Variants in AK7 observed in about 807,000 individuals in gnomAD.
AK7 encodes ATP-AMP transphosphorylase 7.
Under a neutral mutation model 96.6 loss-of-function variants are expected in AK7, and 78 were observed. The ratio of observed to expected loss-of-function variants is 0.81; its 90% CI spans 0.67 to 0.97. The LOEUF is 0.97. Ranked by LOEUF, AK7 falls within the 50% of genes least tolerant of loss-of-function variation. AK7 has a pLI of 0.00. For missense variants in AK7, 855 were observed against 887.9 expected (o/e 0.96, Z 0.47); for synonymous variants, 302 against 317.2 (o/e 0.95, Z 0.51).
chr14:96,406,526 G>C (rs1283974004), intron 3 of AK7, among the ~76,000 whole-genome samples: 1 of 152,160 alleles, frequency 6.6e-6, no homozygotes, highest in Non-Finnish European at 1.5e-5. Flanking sequence ...TAGAGTGTTT[G>C]TGTCTGCAAG....
intron 5 of AK7, among the ~76,000 whole-genome samples, chr14:96,428,463 C>A (rs1313684057): frequency 1.3e-5 from 2 of 152,160 alleles, no homozygotes; most frequent in Non-Finnish European, 2.9e-5. Context: ...ATTTATAATC[C>A]TTTGGGTATA....
chr14:96,419,902 C>A (rs925778197), intron 4 of AK7, among the ~76,000 whole-genome samples: 1 of 150,646 alleles, frequency 6.6e-6, no homozygotes, highest in Non-Finnish European at 1.5e-5. Flanking sequence ...AATTCTCCTG[C>A]CTCAGCCTCC....
intron 4 of AK7, among the ~76,000 whole-genome samples, chr14:96,409,402 T>C (rs1020852178): frequency 1.3e-5 from 2 of 152,228 alleles, no homozygotes; most frequent in Admixed American, 1.3e-4. Flanking sequence ...CGAAACCCTG[T>C]CTCTACTAAA....
intron 12 of AK7, among the ~76,000 whole-genome samples, chr14:96,464,242 T>C (rs938399670): frequency 6.6e-6 from 1 of 151,556 alleles, no homozygotes; most frequent in African/African-American, 2.4e-5. Flanking sequence ...TAAACAGTGC[T>C]TGCATGTATA....
rs200634457 is a variant in AK7 at position 96,453,291 on chromosome 14, AAC to A, written c.1098+1727_1098+1728del. On this transcript the variant is annotated intron_variant, in intron 10 of 17. Coordinates refer to ENST00000267584, the MANE Select transcript of AK7 (RefSeq NM_152327.5). ...TCCTCTCTAGGTCAACTGTAACAAC[AAC>A]ACACAGAGTAGAAATATGACAAGAC... 5.8e-3 allele frequency among the ~76,000 whole-genome samples: 883 copies of A among 152,364 alleles called. 21 individuals are homozygous for A. Among genetic ancestry groups the A allele is most frequent in the Admixed American group, 0.052 (799 of 15,300 alleles).
chr14:96,478,435 G>C (rs369887861), intron 14 of AK7, 30 bp from the exon 15 acceptor site: 1 of 1,612,360 alleles, frequency 6.2e-7, no homozygotes, highest in African/African-American at 1.3e-5. Context: ...GCTGTATTGT[G>C]CCAACTCTGG....
At chr14:96,424,315 A>G in intron 5 of AK7, 1 of 393,594 alleles carries the variant, frequency 2.5e-6, no homozygotes, top group Non-Finnish European at 4.6e-6. Flanking sequence ...AAAATTACAG[A>G]GGGCTTACTG....
chr14:96,426,556 G>T (rs1229376068), intron 5 of AK7, among the ~76,000 whole-genome samples: 1 of 152,080 alleles, frequency 6.6e-6, no homozygotes, highest in Non-Finnish European at 1.5e-5. Context: ...TTTTCTTTCT[G>T]ACTGAAGTAC....
intron 3 of AK7, among the ~76,000 whole-genome samples, chr14:96,406,828 G>A (rs1019663310): frequency 6.6e-6 from 1 of 151,982 alleles, no homozygotes; most frequent in African/African-American, 2.4e-5. Flanking sequence ...AGAATTACAG[G>A]TGTGCATCCA....
intron 4 of AK7, among the ~76,000 whole-genome samples, chr14:96,415,036 T>C (rs1265833019): frequency 6.6e-6 from 1 of 151,798 alleles, no homozygotes; most frequent in Non-Finnish European, 1.5e-5. Flanking sequence ...ATTACAGGTG[T>C]GAATGACCGA....
intron 1 of AK7, 41 bp from the exon 2 acceptor site, chr14:96,398,034 A>C (rs772668398): frequency 1.9e-6 from 3 of 1,590,498 alleles, no homozygotes; most frequent in Non-Finnish European, 2.6e-6. Flanking sequence ...CCCTGACTCT[A>C]ATTTTCTCTT....
At chr14:96,425,889 T>C (rs1892001780) in intron 5 of AK7, among the ~76,000 whole-genome samples, 1 of 152,184 alleles carries the variant, frequency 6.6e-6, no homozygotes, top group Non-Finnish European at 1.5e-5. Flanking sequence ...TTATTTTCAG[T>C]CTATGTGTGT....
At chr14:96,452,021 C>T (rs1367007737) in intron 10 of AK7, among the ~76,000 whole-genome samples, 2 of 152,066 alleles carry the variant, frequency 1.3e-5, no homozygotes, top group Admixed American at 6.6e-5. Context: ...GTAGAAGAAA[C>T]CTGATTACTA....
intron 12 of AK7, among the ~76,000 whole-genome samples, chr14:96,461,032 C>T (rs1595444283): frequency 6.6e-6 from 1 of 152,200 alleles, no homozygotes; most frequent in Admixed American, 6.5e-5. Context: ...GTGAGCTGCA[C>T]CACAAGGAAA....
At chr14:96,425,204 G>A (rs1595396949) in intron 5 of AK7, among the ~76,000 whole-genome samples, 1 of 152,226 alleles carries the variant, frequency 6.6e-6, no homozygotes, top group Middle Eastern at 3.4e-3. Context: ...AGTTAGATCC[G>A]ATTATGGCCC....
chr14:96,422,474 TTA>T, intron 5 of AK7, among the ~76,000 whole-genome samples: 1 of 152,322 alleles, frequency 6.6e-6, no homozygotes, highest in African/African-American at 2.4e-5. Context: ...ATGAGGGTGT[TTA>T]TAGTCCTATC....
chr14:96,430,145 C>T (rs1330065195), intron 5 of AK7, among the ~76,000 whole-genome samples: 1 of 150,706 alleles, frequency 6.6e-6, no homozygotes, highest in Non-Finnish European at 1.5e-5. Context: ...CCATCAATAC[C>T]TAGTTTATTA....
At chr14:96,415,801 A>AATTAATTTAATAC (rs1891312456) in intron 4 of AK7, among the ~76,000 whole-genome samples, 1 of 149,866 alleles carries the variant, frequency 6.7e-6, no homozygotes, top group African/African-American at 2.4e-5. Context: ...TAATTAATTA[A>AATTAATTTAATAC]ATTAATTTAA....
chr14:96,487,112 C>CACCCAACAACACTAAAGGACGA, intron 17 of AK7, 56 bp downstream of exon 17: 1 of 1,579,412 alleles, frequency 6.3e-7, no homozygotes. Context: ...TGGCGGCTTA[C>CACCCAACAACACTAAAGGACGA]ACCTGTAATC....
Sources: allele counts gnomAD v4.1 joint callset (sites outside exome capture counted in the v4.1 genomes callset), GRCh38; gene constraint gnomAD v4.1.1; transcripts MANE v1.5; gene names NCBI Gene and HGNC (gene_info 2026-07-23, HGNC 2026-07-21).